ANKRD30A: variants seen among roughly 807,000 people sequenced by gnomAD.
ANKRD30A encodes ankyrin repeat domain 30A.
In ANKRD30A, 170 loss-of-function variants were observed where a neutral mutation model predicts 166.3. The ratio of observed to expected loss-of-function variants is 1.02; its 90% CI spans 0.90 to 1.16. The LOEUF is 1.16. Among genes scored for constraint, ANKRD30A ranks in the 50% most tolerant of loss-of-function variants. The pLI, the probability that ANKRD30A is intolerant of heterozygous loss-of-function variation, is 0.00. For synonymous variants in ANKRD30A, 564 were observed against 508.9 expected (o/e 1.11, Z -1.46); for missense variants, 1,630 against 1,518.0 (o/e 1.07, Z -1.23).
the ANKRD30A span, among the ~76,000 whole-genome samples, chr10:37,247,784 A>G: frequency 6.7e-6 from 1 of 149,958 alleles, no homozygotes; most frequent in African/African-American, 2.5e-5. Context: ...CCGGAGGCTG[A>G]GGCAGGGGAA....
At chr10:37,232,694 A>ATATATATATATATATATATAT (rs1491346697), downstream of ANKRD30A, 1 of 13,530 alleles carries the variant, frequency 7.4e-5, no homozygotes, top group Admixed American at 1.1e-3. Flanking sequence ...ATATATATAT[A>ATATATATATATATATATATAT]AATAGAGAGA....
At chr10:37,254,776 C>T in the ANKRD30A span, among the ~76,000 whole-genome samples, 4 of 151,184 alleles carry the variant, frequency 2.6e-5, no homozygotes, top group East Asian at 3.9e-4. Context: ...CTCCGCCTCC[C>T]GGGTTCACAC....
At chr10:37,198,466 CT>C (rs1470674825) in intron 29 of ANKRD30A, among the ~76,000 whole-genome samples, 7 of 151,994 alleles carry the variant, frequency 4.6e-5, no homozygotes, top group Non-Finnish European at 4.4e-5. Context: ...ATTTCTGCAT[CT>C]TTAAAAGGTT....
chr10:37,159,932 C>A (rs1412233639), intron 15 of ANKRD30A, among the ~76,000 whole-genome samples: 1 of 152,222 alleles, frequency 6.6e-6, no homozygotes, highest in South Asian at 2.1e-4. Context: ...ATCTCCTGAC[C>A]TTGTGATCCG....
intron 24 of ANKRD30A, among the ~76,000 whole-genome samples, chr10:37,178,210 A>G (rs373522715): frequency 0.011 from 1,635 of 150,702 alleles, 5 homozygotes; most frequent in African/African-American, 0.038. Flanking sequence ...GAATTACAGC[A>G]AAAATATTCT....
At chr10:37,250,695 C>T in the ANKRD30A span, among the ~76,000 whole-genome samples, 3 of 152,094 alleles carry the variant, frequency 2.0e-5, no homozygotes, top group Admixed American at 2.0e-4. Flanking sequence ...GAGCTTATTG[C>T]CCCCTGCGCC....
At position 37,142,168 on chromosome 10, in the gene ANKRD30A, C is replaced by T. The variant is rs777144209; in HGVS notation, c.1271C>T (p.Thr424Ile). 8 of 1,614,084 alleles carry T rather than the reference C, an allele frequency of 5.0e-6. No individual in the cohort carries two copies. The Admixed American group carries it at 1.2e-4, about 24-fold the overall frequency. Residue 424 changes from threonine (T) to isoleucine (I), a missense_variant, in exon 7 of 36, where the codon ACA becomes ATA. By Grantham distance (89) the Thr-to-Ile change is moderately conservative (BLOSUM62 -1). Around this residue, in one of 4 missense-constraint regions of ANKRD30A, gnomAD observed 904 missense variants for 818.5 expected, o/e 1.10. Coordinates refer to ENST00000361713, the MANE Select transcript of ANKRD30A (RefSeq NM_052997.3). ...PRKIAWEKKE[T>I]PVKTGCVARV... is the part of the protein sequence containing the mutation. ...AAGATCGCATGGGAGAAAAAAGAAA[C>T]ACCTGTAAAGACTGGATGCGTGGCA...
At chr10:37,198,907 A>G (rs1390612852) in intron 29 of ANKRD30A, among the ~76,000 whole-genome samples, 1 of 152,080 alleles carries the variant, frequency 6.6e-6, no homozygotes, top group Non-Finnish European at 1.5e-5. Context: ...AGAAACTTCA[A>G]CGTTATTTTT....
At chr10:37,127,150 A>G (rs569132616) in intron 1 of ANKRD30A, among the ~76,000 whole-genome samples, 17 of 151,610 alleles carry the variant, frequency 1.1e-4, no homozygotes, top group African/African-American at 3.9e-4. Context: ...GAAAATCCAC[A>G]AACACCCAAA....
chr10:37,243,396 G>A, the ANKRD30A span, among the ~76,000 whole-genome samples: 48 of 151,028 alleles, frequency 3.2e-4, no homozygotes, highest in African/African-American at 1.1e-3. Context: ...CGCCCGCCTC[G>A]GCCTCCCAAA....
At chr10:37,142,994 G>A (rs1411061922) in intron 7 of ANKRD30A, among the ~76,000 whole-genome samples, 2 of 152,154 alleles carry the variant, frequency 1.3e-5, no homozygotes, top group Admixed American at 1.3e-4. Flanking sequence ...CTTTTAAATA[G>A]GGAGAAAACT....
chr10:37,248,250 G>T, the ANKRD30A span: 1 of 593,842 alleles, frequency 1.7e-6, no homozygotes. Context: ...GGTAAATAAG[G>T]TTGATCTCAG....
chr10:37,229,246 C>T (rs1198109887), intron 34 of ANKRD30A, among the ~76,000 whole-genome samples: 1 of 151,884 alleles, frequency 6.6e-6, no homozygotes, highest in East Asian at 1.9e-4. Context: ...GCCCTTGGTA[C>T]CCCCTTCTCC....
rs1443343045 is a variant in ANKRD30A, at chr10:37,158,656, T to C, written c.1900+70T>C. The C allele has an allele frequency of 1.4e-5, 22 of 1,581,046 alleles. No homozygotes were observed. In the Admixed American group the frequency reaches 3.8e-4, roughly 28 times the overall value. The stretch of plus-strand genomic sequence containing the variant: ...AAATATTTGAAATGCTGTGAGACTT[T>C]TCATTCCCAATGTTGTTTTCTATTC... On this transcript the variant is annotated intron_variant, in intron 15 of 35. Coordinates refer to ENST00000361713, the MANE Select transcript of ANKRD30A (RefSeq NM_052997.3).
At chr10:37,147,760 A>G in intron 9 of ANKRD30A, among the ~76,000 whole-genome samples, 1 of 152,200 alleles carries the variant, frequency 6.6e-6, no homozygotes, top group East Asian at 1.9e-4. Context: ...CAGAGAGAGT[A>G]CAGGGAGTTC....
intron 32 of ANKRD30A, 39 bp downstream of exon 32, chr10:37,216,433 T>A: frequency 6.5e-7 from 1 of 1,535,248 alleles, no homozygotes; most frequent in East Asian, 2.3e-5. Context: ...TTCAGCTATT[T>A]ATACTAAAAC....
At position 37,177,996 on chromosome 10, in the gene ANKRD30A, A is replaced by G. The variant is rs1341431401; in HGVS notation, c.2421+1778A>G. Among the ~76,000 whole-genome samples, 6 of 150,756 alleles carry G rather than the reference A, an allele frequency of 4.0e-5. No individual in the cohort carries two copies. In the East Asian group the frequency reaches 1.2e-3, roughly 29 times the overall value. ...CAAGATATTCCAAGACGTGAGGAAA[A>G]TGAGAAAATAAGAAAGAAGAAAGTA... On this transcript the variant is annotated intron_variant, in intron 24 of 35. Transcript: ENST00000361713.
chr10:37,209,151 G>T (rs1588928741), intron 31 of ANKRD30A, among the ~76,000 whole-genome samples: 1 of 152,078 alleles, frequency 6.6e-6, no homozygotes, highest in East Asian at 1.9e-4. Flanking sequence ...CAGTTCTCTT[G>T]TTTGTAATAA....
intron 31 of ANKRD30A, among the ~76,000 whole-genome samples, chr10:37,205,085 G>C (rs1321020586): frequency 1.3e-5 from 2 of 152,026 alleles, no homozygotes; most frequent in East Asian, 1.9e-4. Context: ...TTGACCCAGG[G>C]ATCCCATTAC....
Sources: allele counts gnomAD v4.1 joint callset (sites outside exome capture counted in the v4.1 genomes callset), GRCh38; gene constraint gnomAD v4.1.1; regional missense constraint gnomAD v4.1.1; transcripts MANE v1.5; gene names NCBI Gene and HGNC (gene_info 2026-07-23, HGNC 2026-07-21).